The following PPP1R12B variants were observed in gnomAD, a reference collection of about 807,000 sequenced individuals.
The protein encoded by PPP1R12B is myosin phosphatase target subunit 2.
PPP1R12B carries 76 observed loss-of-function variants against 126.1 expected under a neutral mutation model. The observed-to-expected ratio is 0.60, with a 90% confidence interval of 0.50 to 0.73. The LOEUF (loss-of-function observed/expected upper bound fraction) is 0.73. PPP1R12B is among the 30% of genes least tolerant of loss of function. The pLI is 0.00. For missense variants in PPP1R12B, 1,052 were observed against 1,205.1 expected (o/e 0.87, Z 1.88); for synonymous variants, 356 against 434.7 (o/e 0.82, Z 2.25).
At chr1:202,365,264 T>A (rs879207710) in intron 1 of PPP1R12B, among the ~76,000 whole-genome samples, 1 of 151,784 alleles carries the variant, frequency 6.6e-6, no homozygotes, top group African/African-American at 2.4e-5. Context: ...AGCCTGGGCA[T>A]TTTTAGAGAC....
At chr1:202,426,394 A>T (rs529905326) in intron 4 of PPP1R12B, among the ~76,000 whole-genome samples, 2 of 152,158 alleles carry the variant, frequency 1.3e-5, no homozygotes, top group Non-Finnish European at 2.9e-5. Flanking sequence ...AGCGCTATCC[A>T]TAAGGGCCCC....
rs140103562 is a variant in PPP1R12B at position 202,361,198 on chromosome 1, T to G, written c.291+12056T>G. On this transcript the variant is annotated intron_variant, in intron 1 of 23. Transcript: ENST00000608999. ...GTGAGCTACCGCTCCCGGCCTCCAT[T>G]AACTCTTAACTGAAGTTCCCTATAT... Among the ~76,000 whole-genome samples, 79 of 152,290 alleles carry G rather than the reference T, an allele frequency of 5.2e-4. 2 individuals are homozygous for G. Among genetic ancestry groups the G allele is most frequent in the Non-Finnish European group, 5.4e-4 (37 of 68,030 alleles).
intron 18 of PPP1R12B, among the ~76,000 whole-genome samples, chr1:202,549,750 G>T (rs1031107552): frequency 1.3e-5 from 2 of 152,124 alleles, no homozygotes; most frequent in African/African-American, 4.8e-5. Flanking sequence ...TTTTATGAGT[G>T]TGCATATTTT....
At chr1:202,423,259 T>C (rs1669052128) in intron 3 of PPP1R12B, among the ~76,000 whole-genome samples, 1 of 152,188 alleles carries the variant, frequency 6.6e-6, no homozygotes, top group Non-Finnish European at 1.5e-5. Flanking sequence ...GAGAATCGAT[T>C]TCACAGAATA....
Position 202,428,887 on chromosome 1 carries a change from T to A in PPP1R12B, c.879T>A (p.Gly293=). 1.2e-6 allele frequency: 2 copies of A among 1,607,728 alleles called. No homozygotes were observed. Among genetic ancestry groups the A allele is most frequent in the Non-Finnish European group, 1.7e-6 (2 of 1,177,524 alleles). ...GQTPFDVADE[G]LVEHLELLQK... is the part of the protein sequence containing the mutation. Reference sequence around the variant, plus strand: ...CACCATTTGATGTGGCTGATGAGGGTCTCGTGGAGCATTTGGAGTTGCTCC... The same window carrying A: ...CACCATTTGATGTGGCTGATGAGGGACTCGTGGAGCATTTGGAGTTGCTCC... Residue 293 remains glycine (G), a synonymous_variant, in exon 6 of 24, where the codon GGT becomes GGA. Coordinates refer to ENST00000608999, the MANE Select transcript of PPP1R12B (RefSeq NM_002481.4).
rs144657687 is a variant in PPP1R12B at position 202,404,074 on chromosome 1, C to T, written c.292-12713C>T. Among the ~76,000 whole-genome samples the T allele has an allele frequency of 1.6e-4, 24 of 152,264 alleles. No individual in the cohort carries two copies. In the East Asian group the frequency reaches 3.7e-3, roughly 23 times the overall value. On this transcript the variant is annotated intron_variant, in intron 1 of 23. Coordinates refer to ENST00000608999, the MANE Select transcript of PPP1R12B (RefSeq NM_002481.4). The stretch of plus-strand genomic sequence containing the variant: ...TGGTTCAATCTTCATATTCCTACTG[C>T]AATTATCATTCTAAGATACAATTCT...
Position 202,582,194 on chromosome 1 carries a change from C to T in PPP1R12B, c.*1634C>T, listed in dbSNP as rs756616778. On this transcript the variant is annotated 3_prime_UTR_variant, in exon 24 of 24. Transcript: ENST00000608999. ...AGTCTTACTTTGAGCTGCTGTTACT[C>T]TAGTCCTTTAAGTCATTCCTCATAT... 3 of 152,322 alleles carry T rather than the reference C, an allele frequency of 2.0e-5. No individual in the cohort carries two copies. The highest frequency in any genetic ancestry group is 6.5e-5 in the Admixed American group (1 of 15,302). The allele number at this position is 152,322 out of a possible 1,614,324, so 9.4% of individuals were successfully genotyped here. A position where few individuals can be genotyped will look rare whatever the true frequency, so the allele number is the denominator to read the frequency against.
chr1:202,378,663 A>G (rs997125087), intron 1 of PPP1R12B, among the ~76,000 whole-genome samples: 1 of 152,050 alleles, frequency 6.6e-6, no homozygotes, highest in African/African-American at 2.4e-5. Context: ...TATTTTTAGT[A>G]GAGATGGGGT....
intron 18 of PPP1R12B, among the ~76,000 whole-genome samples, chr1:202,545,168 C>T (rs1257214564): frequency 6.6e-6 from 1 of 152,196 alleles, no homozygotes; most frequent in Non-Finnish European, 1.5e-5. Context: ...ATCTGTTAAC[C>T]ATTTTTTCCG....
intron 23 of PPP1R12B, among the ~76,000 whole-genome samples, chr1:202,579,935 A>C (rs1689435941): frequency 6.6e-6 from 1 of 152,226 alleles, no homozygotes; most frequent in Admixed American, 6.5e-5. Context: ...CGAAGGCACC[A>C]AGTGGAGGAT....
Position 202,584,649 on chromosome 1 carries a change from T to G in PPP1R12B, c.*4089T>G, listed in dbSNP as rs1689716513. 1 of 152,120 alleles carries G rather than the reference T, an allele frequency of 6.6e-6. No individual in the cohort carries two copies. The highest frequency in any genetic ancestry group is 2.4e-5 in the African/African-American group (1 of 41,430). The allele number at this position is 152,120 out of a possible 1,614,324, so 9.4% of individuals were successfully genotyped here. Reference sequence around the variant, plus strand: ...GGCCACTGGTGAGTGTCGGCACCCTTGAGGTGGGCATGGAGTGAGCAGAAG... The same window carrying G: ...GGCCACTGGTGAGTGTCGGCACCCTGGAGGTGGGCATGGAGTGAGCAGAAG... On this transcript the variant is annotated 3_prime_UTR_variant, in exon 24 of 24. Transcript: ENST00000608999.
chr1:202,438,157 G>C (rs1671076024), intron 10 of PPP1R12B, 133 bp downstream of exon 10: 1 of 1,561,306 alleles, frequency 6.4e-7, no homozygotes, highest in Non-Finnish European at 8.6e-7. Flanking sequence ...TAAAGAGAGA[G>C]AGGCACACTG....
chr1:202,540,376 T>C (rs1247463030), intron 18 of PPP1R12B: 16 of 635,668 alleles, frequency 2.5e-5, no homozygotes. Context: ...GGAAAAAAAA[T>C]TGCAAGTAAA....
intron 18 of PPP1R12B, among the ~76,000 whole-genome samples, chr1:202,517,719 A>C (rs1682324474): frequency 6.6e-6 from 1 of 151,078 alleles, no homozygotes; most frequent in South Asian, 2.1e-4. Context: ...TCCGCCTCCC[A>C]GGTTTGAGCA....
At chr1:202,534,121 G>A (rs544230833) in intron 18 of PPP1R12B, among the ~76,000 whole-genome samples, 1 of 151,836 alleles carries the variant, frequency 6.6e-6, no homozygotes, top group Admixed American at 6.6e-5. Context: ...CTACTCATGG[G>A]TTCCTAGTCA....
At chr1:202,400,243 G>A (rs1205472285) in intron 1 of PPP1R12B, among the ~76,000 whole-genome samples, 3 of 152,166 alleles carry the variant, frequency 2.0e-5, no homozygotes, top group Non-Finnish European at 2.9e-5. Flanking sequence ...CGTTATTAAT[G>A]TATTAGCTTG....
chr1:202,542,973 AT>A (rs1299007383), intron 18 of PPP1R12B, among the ~76,000 whole-genome samples: 1 of 152,172 alleles, frequency 6.6e-6, no homozygotes, highest in Admixed American at 6.5e-5. Context: ...GAGGATTGAA[AT>A]TTCAGCCAGC....
Position 202,348,955 on chromosome 1 carries a change from C to G in PPP1R12B, c.104C>G (p.Pro35Arg). The change falls in exon 1 of 24, where the codon CCT becomes CGT. Residue 35 changes from proline to arginine, a missense_variant. Coordinates refer to ENST00000608999, the MANE Select transcript of PPP1R12B (RefSeq NM_002481.4). ...CGGGGCTCGCTGACAGAGCAGGAGC[C>G]TGCGGAGCGACGAGGCGCGGGGCGG... ...RWRGSLTEQE[P>R]AERRGAGRQP... 1 of 1,602,872 alleles carries G rather than the reference C, an allele frequency of 6.2e-7. No individual in the cohort carries two copies. Among genetic ancestry groups the G allele is most frequent in the East Asian group, 2.2e-5 (1 of 44,470 alleles).
chr1:202,433,698 G>A lies in PPP1R12B; in HGVS notation c.1142-958G>A, dbSNP rs552213928. On this transcript the variant is annotated intron_variant, in intron 8 of 23. Coordinates refer to ENST00000608999, the MANE Select transcript of PPP1R12B (RefSeq NM_002481.4). ...CAATGCTCATTGAGTGATTTCTGTAGAAAACTATAGGATCTAGCAGGTTGA... is the reference window on the plus strand; with the variant it reads ...CAATGCTCATTGAGTGATTTCTGTAAAAAACTATAGGATCTAGCAGGTTGA... Among the ~76,000 whole-genome samples, 15 of 152,286 alleles carry A rather than the reference G, an allele frequency of 9.8e-5. No individual in the cohort carries two copies. The South Asian group carries it at 2.9e-3, about 29-fold the overall frequency.
Sources: gnomAD v4.1 joint callset for allele counts (sites outside exome capture counted in the v4.1 genomes callset) on GRCh38, gnomAD v4.1.1 for gene constraint, MANE v1.5 for transcripts, NCBI Gene and HGNC (gene_info 2026-07-23, HGNC 2026-07-21) for gene names.